TIAM1: variants seen among roughly 807,000 people sequenced by gnomAD.
TIAM1 encodes the protein TIAM Rac1 associated GEF 1.
A neutral mutation model predicts 163.5 loss-of-function variants in TIAM1; 65 were observed. That is an observed-to-expected ratio of 0.40 (90% CI 0.33 to 0.49). The LOEUF is 0.49. Ranked by LOEUF, TIAM1 falls within the 20% of genes least tolerant of loss-of-function variation. The probability of loss-of-function intolerance (pLI) is 0.77; values close to 1 mark genes in which losing one functional copy is unlikely to be tolerated. For synonymous variants in TIAM1, 833 were observed against 810.1 expected (o/e 1.03, Z -0.48); for missense variants, 1,789 against 2,044.7 (o/e 0.87, Z 2.41).
At chr21:31,252,218 G>A (rs768196803) in intron 4 of TIAM1, 29 bp from the exon 5 acceptor site, 23 of 1,587,284 alleles carry the variant, frequency 1.4e-5, no homozygotes, top group Non-Finnish European at 1.9e-5. Flanking sequence ...GAGCAAAGAA[G>A]ACAAGCGTCA....
At chr21:31,166,142 C>A (rs1179911468) in intron 15 of TIAM1, among the ~76,000 whole-genome samples, 1 of 152,114 alleles carries the variant, frequency 6.6e-6, no homozygotes, top group South Asian at 2.1e-4. Flanking sequence ...TTACTAGCTC[C>A]GAATGATACT....
At chr21:31,319,048 C>T (rs1443024842) in intron 2 of TIAM1, among the ~76,000 whole-genome samples, 1 of 152,126 alleles carries the variant, frequency 6.6e-6, no homozygotes, top group South Asian at 2.1e-4. Context: ...AGTTTTGAAT[C>T]AAATTTTTTT....
chr21:31,395,904 A>G lies in TIAM1; in HGVS notation c.-368-56482T>C, dbSNP rs2077060033. ...AAAGAAAACAAGGAGCGAAAACAAA[A>G]TAAGGCTGTCTAGCAAATGAGGGCA... On this transcript the variant is annotated intron_variant, in intron 2 of 28. Transcript: ENST00000286827. This position sits in a 1 kb window ranked among gnomAD's most constrained non-coding sequence, Gnocchi z 7.5. Among the ~76,000 whole-genome samples the G allele has an allele frequency of 6.6e-6, 1 of 152,192 alleles. No homozygotes were observed. Among genetic ancestry groups the G allele is most frequent in the Non-Finnish European group, 1.5e-5 (1 of 68,030 alleles).
chr21:31,325,819 C>A (rs9981339), intron 2 of TIAM1, among the ~76,000 whole-genome samples: 1 of 152,008 alleles, frequency 6.6e-6, no homozygotes. Flanking sequence ...AGGTGTCACA[C>A]GGAGGGGGCA....
intron 6 of TIAM1, among the ~76,000 whole-genome samples, chr21:31,238,040 A>T (rs967886361): frequency 6.6e-6 from 1 of 152,202 alleles, no homozygotes; most frequent in East Asian, 1.9e-4. Flanking sequence ...CACACATATA[A>T]ATTCCTTTTC....
At chr21:31,535,909 G>A (rs2048117591) in intron 1 of TIAM1, among the ~76,000 whole-genome samples, 1 of 152,186 alleles carries the variant, frequency 6.6e-6, no homozygotes, top group African/African-American at 2.4e-5. Context: ...GGACAGGGAT[G>A]ACAAAACACC....
chr21:31,401,025 T>C (rs1435167078), intron 2 of TIAM1, among the ~76,000 whole-genome samples: 2 of 152,024 alleles, frequency 1.3e-5, no homozygotes, highest in Non-Finnish European at 2.9e-5. Context: ...TTGCCTGGGC[T>C]ACTCCAGCCT....
rs201021539 is a variant in TIAM1, at chr21:31,213,886, G to A, written c.2143-414C>T. Among the ~76,000 whole-genome samples the A allele has an allele frequency of 3.4e-3, 404 of 119,786 alleles. 1 individual carries two copies. Among genetic ancestry groups the A allele is most frequent in the African/African-American group, 0.014 (356 of 25,448 alleles). The allele number at this position is 119,786 out of a possible 152,430, so 78.6% of individuals were successfully genotyped here. A position where few individuals can be genotyped will look rare whatever the true frequency, so the allele number is the denominator to read the frequency against. ...CTCTACAAAAAAAAAAAAAAAAAAA[G>A]AATTACATTAAATTAGCCAGGCATG... On this transcript the variant is annotated intron_variant, in intron 9 of 27. Coordinates refer to ENST00000541036, the MANE Select transcript of TIAM1 (RefSeq NM_001353694.2).
chr21:31,510,524 A>T lies in TIAM1; in HGVS notation c.-421-46489T>A, dbSNP rs74590400. On this transcript the variant is annotated intron_variant, in intron 1 of 28. Transcript: ENST00000286827. ...GGGAACACATTTCAGCCCATAACAG[A>T]CCTCATTTGAAAACTGTTGGGCTCA... 2.6e-5 allele frequency among the ~76,000 whole-genome samples: 4 copies of T among 152,320 alleles called. No homozygotes were observed. In the East Asian group the frequency reaches 7.7e-4, roughly 29 times the overall value.
At chr21:31,197,067 T>C (rs1332299950) in intron 12 of TIAM1, among the ~76,000 whole-genome samples, 1 of 151,992 alleles carries the variant, frequency 6.6e-6, no homozygotes, top group Non-Finnish European at 1.5e-5. Context: ...ATGGCAACAA[T>C]AGATACTGGG....
intron 2 of TIAM1, among the ~76,000 whole-genome samples, chr21:31,413,264 C>CTTTTTTTTTTTTTTTTTTT (rs397866519): frequency 2.3e-5 from 2 of 87,876 alleles, no homozygotes; most frequent in Non-Finnish European, 4.1e-5. Context: ...CTTTTCTTTT[C>CTTTTTTTTTTTTTTTTTTT]TTTTTTTTTT....
chr21:31,211,685 G>C (rs1474287355), intron 10 of TIAM1, among the ~76,000 whole-genome samples: 2 of 152,168 alleles, frequency 1.3e-5, no homozygotes, highest in African/African-American at 4.8e-5. Context: ...CTGGACTCCA[G>C]GGAAGGAATT....
chr21:31,182,826 T>C (rs986381179), intron 14 of TIAM1, among the ~76,000 whole-genome samples, 181 bp from the exon 15 acceptor site: 1 of 152,112 alleles, frequency 6.6e-6, no homozygotes, highest in African/African-American at 2.4e-5. Context: ...GTTCTGAAGG[T>C]TCTAGATTTG....
At chr21:31,257,204 C>T (rs1054187136) in intron 4 of TIAM1, among the ~76,000 whole-genome samples, 5 of 152,348 alleles carry the variant, frequency 3.3e-5, no homozygotes, top group Admixed American at 3.3e-4. Flanking sequence ...GAAATCAACT[C>T]TATTTTCCCT....
intron 2 of TIAM1, among the ~76,000 whole-genome samples, chr21:31,325,966 A>T (rs1044935602): frequency 6.6e-6 from 1 of 152,152 alleles, no homozygotes; most frequent in African/African-American, 2.4e-5. Flanking sequence ...TTACATTTAA[A>T]ATTGAAGAAG....
chr21:31,477,093 G>A (rs1569365887), intron 1 of TIAM1, among the ~76,000 whole-genome samples: 1 of 152,116 alleles, frequency 6.6e-6, no homozygotes, highest in African/African-American at 2.4e-5. Flanking sequence ...CTGCGCTTAC[G>A]ACTTAGCAAA....
intron 2 of TIAM1, among the ~76,000 whole-genome samples, chr21:31,371,498 C>T (rs1304297802): frequency 6.6e-6 from 1 of 152,138 alleles, no homozygotes; most frequent in Non-Finnish European, 1.5e-5. Flanking sequence ...ATACACATGC[C>T]AGAGTTACTG....
chr21:31,414,249 T>C (rs2043300458), intron 2 of TIAM1, among the ~76,000 whole-genome samples: 1 of 152,214 alleles, frequency 6.6e-6, no homozygotes, highest in African/African-American at 2.4e-5. Flanking sequence ...TCCCGTCCTC[T>C]TGTGAATCTC....
chr21:31,365,490 G>A (rs926639651), intron 2 of TIAM1, among the ~76,000 whole-genome samples: 5 of 148,414 alleles, frequency 3.4e-5, no homozygotes, highest in African/African-American at 7.5e-5. Flanking sequence ...CCGGGTTCAC[G>A]CCATTCTCCT....
Sources: gnomAD v4.1 joint callset for allele counts (sites outside exome capture counted in the v4.1 genomes callset) on GRCh38, gnomAD v4.1.1 for gene constraint, Gnocchi (gnomAD v3.1) non-coding constraint, MANE v1.5 for transcripts, NCBI Gene and HGNC (gene_info 2026-07-23, HGNC 2026-07-21) for gene names.